The following ANKRD55 variants were observed in gnomAD, a reference collection of about 807,000 sequenced individuals.
ANKRD55 encodes the protein ankyrin repeat domain-containing protein 55.
In ANKRD55, 41 loss-of-function variants were observed where a neutral mutation model predicts 60.6. The ratio of observed to expected loss-of-function variants is 0.68; its 90% CI spans 0.53 to 0.88. ANKRD55 has a LOEUF of 0.88. Among genes scored for constraint, ANKRD55 ranks in the 40% least tolerant of loss-of-function variants. The probability of loss-of-function intolerance (pLI) is 0.00; values close to 1 mark genes in which losing one functional copy is unlikely to be tolerated. For synonymous variants in ANKRD55, 264 were observed against 290.3 expected (o/e 0.91, Z 0.92); for missense variants, 732 against 767.6 (o/e 0.95, Z 0.55).
At chr5:56,214,478 C>A (rs952555415) in intron 2 of ANKRD55, among the ~76,000 whole-genome samples, 1 of 152,208 alleles carries the variant, frequency 6.6e-6, no homozygotes, top group Non-Finnish European at 1.5e-5. Context: ...GATCCTATAA[C>A]CCACACCAAC....
chr5:56,149,816 T>C (rs541997618), intron 6 of ANKRD55, among the ~76,000 whole-genome samples: 1 of 151,920 alleles, frequency 6.6e-6, no homozygotes, highest in Non-Finnish European at 1.5e-5. Flanking sequence ...ATCAGAGAAA[T>C]AATTACATCT....
At chr5:56,117,600 CAT>C (rs1756919437) in intron 8 of ANKRD55, among the ~76,000 whole-genome samples, 1 of 152,082 alleles carries the variant, frequency 6.6e-6, no homozygotes, top group Non-Finnish European at 1.5e-5. Flanking sequence ...ATGACAGGCA[CAT>C]GTTACCACAC....
Position 56,217,125 on chromosome 5 carries a change from A to G in ANKRD55, c.58+15731T>C, listed in dbSNP as rs768104143. On this transcript the variant is annotated intron_variant, in intron 2 of 11. Transcript: ENST00000341048. The stretch of plus-strand genomic sequence containing the variant: ...TTCCAAAACCTGAAGTCTCTTAACA[A>G]TTATGTTAAATCTACTCTGCCTCTG... 3.0e-4 allele frequency among the ~76,000 whole-genome samples: 45 copies of G among 152,342 alleles called. 1 individual carries two copies. The Middle Eastern group carries it at 0.01, about 35-fold the overall frequency.
At chr5:56,204,443 G>T (rs1454380817) in intron 2 of ANKRD55, among the ~76,000 whole-genome samples, 1 of 152,184 alleles carries the variant, frequency 6.6e-6, no homozygotes, top group African/African-American at 2.4e-5. Context: ...TTCTTCTAGG[G>T]TTTTCATAGT....
intron 6 of ANKRD55, among the ~76,000 whole-genome samples, chr5:56,144,546 G>T (rs1412846015): frequency 6.6e-6 from 1 of 152,126 alleles, no homozygotes; most frequent in African/African-American, 2.4e-5. Context: ...GGTTGGAGAG[G>T]GAGGCAGGGG....
At chr5:56,175,521 A>G (rs1758717611) in intron 4 of ANKRD55, among the ~76,000 whole-genome samples, 1 of 152,228 alleles carries the variant, frequency 6.6e-6, no homozygotes, top group South Asian at 2.1e-4. Context: ...GAGGATTTTC[A>G]GTAAGGCTTA....
chr5:56,233,201 C>A, intron 1 of ANKRD55, 40 bp downstream of exon 1: 1 of 380,352 alleles, frequency 2.6e-6, no homozygotes. Context: ...CACAATTACT[C>A]AAACTCCAAA....
At chr5:56,200,633 A>G (rs1353718923) in intron 2 of ANKRD55, among the ~76,000 whole-genome samples, 3 of 152,170 alleles carry the variant, frequency 2.0e-5, no homozygotes, top group Non-Finnish European at 2.9e-5. Flanking sequence ...TCTTTGGGAA[A>G]GCCCTTGACT....
At chr5:56,132,522 C>T (rs924019360) in intron 7 of ANKRD55, among the ~76,000 whole-genome samples, 1 of 144,490 alleles carries the variant, frequency 6.9e-6, no homozygotes, top group African/African-American at 2.6e-5. Context: ...ACCTGAGAGG[C>T]GGAGCTTGCA....
intron 9 of ANKRD55, 31 bp from the exon 10 acceptor site, chr5:56,111,813 T>A (rs758775145): frequency 2.0e-6 from 3 of 1,466,430 alleles, no homozygotes; most frequent in Non-Finnish European, 2.7e-6. Context: ...AGGGATGATA[T>A]GTGAGTATGG....
At chr5:56,140,021 C>G (rs1228119950) in intron 7 of ANKRD55, among the ~76,000 whole-genome samples, 1 of 152,098 alleles carries the variant, frequency 6.6e-6, no homozygotes, top group African/African-American at 2.4e-5. Flanking sequence ...CCTAGTAGGC[C>G]TACTGTTTCC....
chr5:56,120,076 T>C (rs905203611), intron 8 of ANKRD55, among the ~76,000 whole-genome samples: 7 of 151,978 alleles, frequency 4.6e-5, no homozygotes, highest in African/African-American at 1.5e-4. Flanking sequence ...CTTGCTCTGT[T>C]GCCAGGCTGG....
chr5:56,105,852 C>T (rs566027959), intron 10 of ANKRD55, among the ~76,000 whole-genome samples: 1 of 152,330 alleles, frequency 6.6e-6, no homozygotes, highest in African/African-American at 2.4e-5. Flanking sequence ...GAAGGAAGCT[C>T]TCTTTTGCAG....
intron 2 of ANKRD55, among the ~76,000 whole-genome samples, chr5:56,212,049 G>GACACACACAC (rs200349739): frequency 3.8e-5 from 5 of 130,224 alleles, no homozygotes; most frequent in East Asian, 2.3e-4. Flanking sequence ...AACTGGTAAA[G>GACACACACAC]ACACACACAC....
At chr5:56,200,973 C>T (rs1218121265) in intron 2 of ANKRD55, among the ~76,000 whole-genome samples, 1 of 152,292 alleles carries the variant, frequency 6.6e-6, no homozygotes, top group East Asian at 1.9e-4. Context: ...TCCATTTACT[C>T]ATCTACCATA....
At chr5:56,205,302 C>T (rs751030711) in intron 2 of ANKRD55, among the ~76,000 whole-genome samples, 27 of 152,182 alleles carry the variant, frequency 1.8e-4, no homozygotes, top group Admixed American at 1.2e-3. Flanking sequence ...CTCAAGTGAT[C>T]CACCTGCCTC....
At position 56,122,841 on chromosome 5, in the gene ANKRD55, C is replaced by T. The variant is rs1430518329; in HGVS notation, c.797+4081G>A. On this transcript the variant is annotated intron_variant, in intron 8 of 11. Coordinates refer to ENST00000341048, the MANE Select transcript of ANKRD55 (RefSeq NM_024669.3). ...AGTGCAGTGGTACAATCACAGTTCA[C>T]TGCAACCTTCACCTCCTGGGCTCAA... 2.0e-5 allele frequency among the ~76,000 whole-genome samples: 3 copies of T among 151,760 alleles called. No individual in the cohort carries two copies. In the East Asian group the frequency reaches 5.9e-4, roughly 30 times the overall value.
At chr5:56,171,879 G>A (rs1758616357) in intron 4 of ANKRD55, among the ~76,000 whole-genome samples, 1 of 152,118 alleles carries the variant, frequency 6.6e-6, no homozygotes, top group Admixed American at 6.5e-5. Flanking sequence ...AGCACTTTGG[G>A]AGGCTGAGGT....
At chr5:56,162,050 C>T in intron 5 of ANKRD55, 2 of 985,326 alleles carry the variant, frequency 2.0e-6, no homozygotes, top group Middle Eastern at 5.2e-4. Context: ...CCATTGTTTA[C>T]TCTCTAGGGC....
Sources: gnomAD v4.1 joint callset for allele counts (sites outside exome capture counted in the v4.1 genomes callset) on GRCh38, gnomAD v4.1.1 for gene constraint, MANE v1.5 for transcripts, NCBI Gene and HGNC (gene_info 2026-07-23, HGNC 2026-07-21) for gene names.